Variants in GALNT13 observed in about 807,000 individuals in gnomAD.
GALNT13 encodes the protein polypeptide N-acetylgalactosaminyltransferase 13, also known as UDP-GalNAc:polypeptide N-acetylgalactosaminyltransferase 13.
A neutral mutation model predicts 64.2 loss-of-function variants in GALNT13; 28 were observed. The ratio of observed to expected loss-of-function variants is 0.44; its 90% CI spans 0.32 to 0.60. The LOEUF (loss-of-function observed/expected upper bound fraction) is 0.60. GALNT13 is among the 20% of genes least tolerant of loss of function. The pLI is 0.05. For missense variants in GALNT13, 577 were observed against 669.8 expected (o/e 0.86, Z 1.53); for synonymous variants, 214 against 224.6 (o/e 0.95, Z 0.42).
intron 4 of GALNT13, among the ~76,000 whole-genome samples, chr2:154,211,001 A>G (rs970018144): frequency 2.0e-5 from 3 of 152,136 alleles, no homozygotes; most frequent in African/African-American, 4.8e-5. Context: ...TGGTAGTTCA[A>G]TTTTGGATAT....
chr2:154,387,205 G>A (rs1041261838), intron 9 of GALNT13, among the ~76,000 whole-genome samples: 23 of 152,126 alleles, frequency 1.5e-4, no homozygotes, highest in African/African-American at 5.5e-4. Context: ...TAGATTAAGG[G>A]AATAGTTTTA....
chr2:153,929,722 G>A lies in GALNT13; in HGVS notation c.-104-14672G>A, dbSNP rs748412142. 3.3e-5 allele frequency among the ~76,000 whole-genome samples: 5 copies of A among 152,082 alleles called. No homozygotes were observed. In the South Asian group the frequency reaches 8.3e-4, roughly 25 times the overall value. On this transcript the variant is annotated intron_variant, in intron 2 of 12. Coordinates refer to ENST00000392825, the MANE Select transcript of GALNT13 (RefSeq NM_052917.4). ...TATAGTATTCCATGGTGTGTATTTAGCACATTTTCTTTATTTAGTCTACCA... is the reference window on the plus strand; with the variant it reads ...TATAGTATTCCATGGTGTGTATTTAACACATTTTCTTTATTTAGTCTACCA...
intron 9 of GALNT13, among the ~76,000 whole-genome samples, chr2:154,317,547 C>T (rs1207118998): frequency 2.6e-5 from 4 of 152,032 alleles, no homozygotes; most frequent in African/African-American, 9.7e-5. Context: ...TGAATAAAAT[C>T]ACATTATATT....
chr2:153,998,258 C>G (rs1695658209), intron 3 of GALNT13, among the ~76,000 whole-genome samples: 1 of 152,082 alleles, frequency 6.6e-6, no homozygotes, highest in African/African-American at 2.4e-5. Context: ...ACAGTCCCAC[C>G]AATAGTGTAA....
At chr2:153,322,619 A>G in the GALNT13 span, among the ~76,000 whole-genome samples, 6 of 152,224 alleles carry the variant, frequency 3.9e-5, no homozygotes, top group South Asian at 1.2e-3. Context: ...CGTTATCTAC[A>G]TTAGGTATTT....
At chr2:154,045,556 T>C (rs547667502) in intron 3 of GALNT13, among the ~76,000 whole-genome samples, 36 of 152,336 alleles carry the variant, frequency 2.4e-4, no homozygotes, top group African/African-American at 7.7e-4. Flanking sequence ...TTGTTTCTGC[T>C]AACCTGCTGA....
At chr2:153,624,546 G>A in the GALNT13 span, among the ~76,000 whole-genome samples, 27 of 152,042 alleles carry the variant, frequency 1.8e-4, 1 homozygote, top group Admixed American at 1.2e-3. Context: ...TTCACACTGC[G>A]TCCTAGAATG....
chr2:153,734,690 C>T, the GALNT13 span, among the ~76,000 whole-genome samples: 2 of 152,130 alleles, frequency 1.3e-5, no homozygotes, highest in African/African-American at 4.8e-5. Context: ...TGGCTTAAAC[C>T]TGCATGGCAC....
intron 9 of GALNT13, among the ~76,000 whole-genome samples, chr2:154,316,143 C>A (rs1280625998): frequency 6.6e-6 from 1 of 151,906 alleles, no homozygotes; most frequent in Admixed American, 6.6e-5. Context: ...TAATTTATAT[C>A]GTTGAAAATA....
the GALNT13 span, among the ~76,000 whole-genome samples, chr2:153,378,527 C>T: frequency 0.016 from 2,376 of 152,166 alleles, 72 homozygotes; most frequent in African/African-American, 0.054. Context: ...AAGGGGCTGA[C>T]CTCCGTAGGT....
At chr2:153,620,347 C>T in the GALNT13 span, among the ~76,000 whole-genome samples, 217 of 152,104 alleles carry the variant, frequency 1.4e-3, no homozygotes, top group African/African-American at 5.1e-3. Flanking sequence ...TGGTCTTGAA[C>T]ACCTGGTCTC....
chr2:153,338,592 C>A, the GALNT13 span, among the ~76,000 whole-genome samples: 1 of 152,132 alleles, frequency 6.6e-6, no homozygotes, highest in Non-Finnish European at 1.5e-5. Context: ...TTAACATATG[C>A]ATTACCTCAC....
the GALNT13 span, among the ~76,000 whole-genome samples, chr2:153,162,281 T>C: frequency 2.0e-5 from 3 of 152,340 alleles, no homozygotes; most frequent in East Asian, 1.9e-4. Flanking sequence ...ATTTTAGCAG[T>C]TAATTTTCAC....
chr2:153,265,894 G>T, the GALNT13 span, among the ~76,000 whole-genome samples: 2 of 152,118 alleles, frequency 1.3e-5, no homozygotes, highest in Non-Finnish European at 2.9e-5. Flanking sequence ...TATTTGAGAG[G>T]AGTGACTTCA....
chr2:153,196,049 A>G, the GALNT13 span, among the ~76,000 whole-genome samples: 1 of 152,052 alleles, frequency 6.6e-6, no homozygotes, highest in Non-Finnish European at 1.5e-5. Flanking sequence ...GCTTTTATAG[A>G]CCTAAGAAGG....
chr2:154,266,800 T>C (rs1027182539), intron 8 of GALNT13, among the ~76,000 whole-genome samples: 4 of 151,786 alleles, frequency 2.6e-5, no homozygotes, highest in African/African-American at 9.7e-5. Flanking sequence ...TTGCATTGAA[T>C]CTATATTGAT....
At chr2:154,404,121 A>T (rs1340582562) in intron 10 of GALNT13, among the ~76,000 whole-genome samples, 2 of 152,076 alleles carry the variant, frequency 1.3e-5, no homozygotes, top group Admixed American at 6.6e-5. Context: ...GCCAGACTTG[A>T]CTTCAGTTCC....
intron 11 of GALNT13, among the ~76,000 whole-genome samples, chr2:154,424,822 C>T (rs1700403033): frequency 6.6e-6 from 1 of 152,230 alleles, no homozygotes; most frequent in African/African-American, 2.4e-5. Flanking sequence ...TCCTAACGAA[C>T]GACTTGCACT....
intron 3 of GALNT13, among the ~76,000 whole-genome samples, chr2:154,027,816 A>G (rs1698077445): frequency 6.6e-6 from 1 of 152,146 alleles, no homozygotes; most frequent in Non-Finnish European, 1.5e-5. Context: ...TGACAAAGAC[A>G]TTTCCTAAGG....
Sources: gnomAD v4.1 joint callset for allele counts (sites outside exome capture counted in the v4.1 genomes callset) on GRCh38, gnomAD v4.1.1 for gene constraint, MANE v1.5 for transcripts, NCBI Gene and HGNC (gene_info 2026-07-23, HGNC 2026-07-21) for gene names.